The following WFDC8 variants were observed in gnomAD, a reference collection of about 807,000 sequenced individuals.
WFDC8 encodes WAP four-disulfide core domain protein 8.
In WFDC8, 24 loss-of-function variants were observed where a neutral mutation model predicts 27.0. The ratio of observed to expected loss-of-function variants is 0.89; its 90% CI spans 0.64 to 1.25. WFDC8 has a LOEUF of 1.25. Ranked by LOEUF, WFDC8 falls within the 50% of genes most tolerant of loss-of-function variation. WFDC8 has a pLI of 0.00. For missense variants in WFDC8, 287 were observed against 295.9 expected, an observed-to-expected ratio of 0.97 and a Z score of 0.22; for synonymous variants, 106 against 99.7, an observed-to-expected ratio of 1.06 and a Z score of -0.38.
intron 1 of WFDC8, among the ~76,000 whole-genome samples, chr20:45,564,284 A>C (rs1832977256): frequency 6.6e-6 from 1 of 152,182 alleles, no homozygotes; most frequent in Non-Finnish European, 1.5e-5. Flanking sequence ...TATAAATAAC[A>C]CACTAGGTTC....
chr20:45,555,687 G>A lies in WFDC8; in HGVS notation c.445+14C>T. The A allele has an allele frequency of 1.2e-6, 2 of 1,611,882 alleles. No individual in the cohort carries two copies. The highest frequency in any genetic ancestry group is 1.7e-6 in the Non-Finnish European group (2 of 1,179,766). ...TTAAACTAGACCCTCAGATTTCCAG[G>A]ATAGAGGTCTCACCAATTAACATGC... On this transcript the variant is annotated intron_variant, in intron 4 of 5. Coordinates refer to ENST00000289953, the MANE Select transcript of WFDC8 (RefSeq NM_130896.3).
At chr20:45,564,283 C>T (rs1980568301) in intron 1 of WFDC8, among the ~76,000 whole-genome samples, 1 of 152,178 alleles carries the variant, frequency 6.6e-6, no homozygotes, top group Admixed American at 6.5e-5. Flanking sequence ...ATATAAATAA[C>T]ACACTAGGTT....
chr20:45,555,831 A>G lies in WFDC8; in HGVS notation c.315T>C (p.Asn105=). 1 of 1,614,024 alleles carries G rather than the reference A, an allele frequency of 6.2e-7. No individual in the cohort carries two copies. The highest frequency in any genetic ancestry group is 8.5e-7 in the Non-Finnish European group (1 of 1,179,970). Residue 105 remains asparagine, a synonymous_variant, in exon 4 of 6, where the codon AAT becomes AAC. Coordinates refer to ENST00000289953, the MANE Select transcript of WFDC8 (RefSeq NM_130896.3). ...CAAAATGCCAGCGCTGTGCCTCATG[A>G]TTACAGTTTCCATGCCTCACAGGTA... ...CMLPVRHGNC[N]HEAQRWHFDF...
chr20:45,561,030 C>T (rs1400597809), intron 2 of WFDC8, among the ~76,000 whole-genome samples: 4 of 152,312 alleles, frequency 2.6e-5, no homozygotes, highest in East Asian at 1.9e-4. Flanking sequence ...AGACAGAGTT[C>T]GGCAAATCAA....
chr20:45,572,899 G>C (rs1185976926), intron 1 of WFDC8, among the ~76,000 whole-genome samples: 1 of 152,208 alleles, frequency 6.6e-6, no homozygotes, highest in Non-Finnish European at 1.5e-5. Flanking sequence ...GAGCCACCGC[G>C]CCCAGCCTTT....
chr20:45,555,172 G>A (rs1465321755), intron 4 of WFDC8, among the ~76,000 whole-genome samples: 1 of 152,184 alleles, frequency 6.6e-6, no homozygotes, highest in Non-Finnish European at 1.5e-5. Context: ...TTAAATTCAG[G>A]TCATTTGACT....
chr20:45,555,856 A>G lies in WFDC8; in HGVS notation c.290T>C (p.Leu97Pro), dbSNP rs1980227089. 2 of 1,613,416 alleles carry G rather than the reference A, an allele frequency of 1.2e-6. No homozygotes were observed. The highest frequency in any genetic ancestry group is 1.7e-5 in the Admixed American group (1 of 59,976). ...ATTACAGTTTCCATGCCTCACAGGTAGCATGCAGGGTTCTGAGGTCAGGAA... is the reference window on the plus strand; with the variant it reads ...ATTACAGTTTCCATGCCTCACAGGTGGCATGCAGGGTTCTGAGGTCAGGAA... ...CMDPFQEPCM[L>P]PVRHGNCNHE... The change falls in exon 4 of 6, where the codon CTA becomes CCA. Residue 97 changes from leucine to proline, a missense_variant. Transcript: ENST00000289953.
chr20:45,579,084 T>C (rs1345130920), intron 1 of WFDC8, 138 bp downstream of exon 1: 1 of 794,136 alleles, frequency 1.3e-6, no homozygotes, highest in Non-Finnish European at 2.2e-6. Flanking sequence ...AAGACAGCTC[T>C]GTTCTGTGGA....
At chr20:45,573,402 A>T (rs1980936679) in intron 1 of WFDC8, among the ~76,000 whole-genome samples, 1 of 152,142 alleles carries the variant, frequency 6.6e-6, no homozygotes. Flanking sequence ...ACCAGTCCCC[A>T]AGTAGTGTAC....
At chr20:45,558,147 TAGA>T (rs1260155283) in intron 3 of WFDC8, among the ~76,000 whole-genome samples, 1 of 152,188 alleles carries the variant, frequency 6.6e-6, no homozygotes, top group Non-Finnish European at 1.5e-5. Context: ...TAGCCAGTCA[TAGA>T]ATTGCCCCCG....
At chr20:45,569,981 T>C (rs997880312) in intron 1 of WFDC8, among the ~76,000 whole-genome samples, 1 of 152,052 alleles carries the variant, frequency 6.6e-6, no homozygotes, top group Non-Finnish European at 1.5e-5. Context: ...GGGAGCTAAA[T>C]GATGAGAACA....
intron 1 of WFDC8, among the ~76,000 whole-genome samples, chr20:45,564,687 A>C (rs1365955322): frequency 6.6e-6 from 1 of 151,102 alleles, no homozygotes; most frequent in Non-Finnish European, 1.5e-5. Flanking sequence ...AAAAAAAAAA[A>C]AAAACTTAGC....
At chr20:45,572,120 G>A (rs1980888527) in intron 1 of WFDC8, among the ~76,000 whole-genome samples, 1 of 152,106 alleles carries the variant, frequency 6.6e-6, no homozygotes, top group African/African-American at 2.4e-5. Context: ...TCCCTTTTCA[G>A]CCAGGTGCAG....
Position 45,577,559 on chromosome 20 carries a change from C to T in WFDC8, c.26+1663G>A. Among the ~76,000 whole-genome samples, 2 of 149,802 alleles carry T rather than the reference C, an allele frequency of 1.3e-5. 1 individual carries two copies. Among genetic ancestry groups the T allele is most frequent in the Non-Finnish European group, 3.0e-5 (2 of 67,042 alleles). On this transcript the variant is annotated intron_variant, in intron 1 of 5. Transcript: ENST00000289953. The stretch of plus-strand genomic sequence containing the variant: ...GATTACAGGCACCCACCACCACGTC[C>T]TGCTAATTTTTTGTATTTTTAGTAG...
rs749512208 is a variant in WFDC8 at position 45,551,986 on chromosome 20, A to G, written c.*40T>C. 40 of 1,608,052 alleles carry G rather than the reference A, an allele frequency of 2.5e-5. No homozygotes were observed. The South Asian group carries it at 4.3e-4, about 17-fold the overall frequency. On this transcript the variant is annotated 3_prime_UTR_variant, in exon 6 of 6. Transcript: ENST00000289953. ...CTGACAGCTCTTTATCATGCTACTCATAATTAATGATTTTGATGATAATAT... is the reference window on the plus strand; with the variant it reads ...CTGACAGCTCTTTATCATGCTACTCGTAATTAATGATTTTGATGATAATAT...
At chr20:45,552,780 G>A (rs565220023) in intron 5 of WFDC8, among the ~76,000 whole-genome samples, 2 of 152,328 alleles carry the variant, frequency 1.3e-5, no homozygotes, top group African/African-American at 4.8e-5. Flanking sequence ...ATGCTTTGAA[G>A]TTCTGTGCAG....
At chr20:45,577,680 G>A (rs1356658287) in intron 1 of WFDC8, among the ~76,000 whole-genome samples, 3 of 147,972 alleles carry the variant, frequency 2.0e-5, no homozygotes, top group Non-Finnish European at 3.0e-5. Flanking sequence ...TTACAGGCAT[G>A]AGCCACCGCG....
intron 1 of WFDC8, among the ~76,000 whole-genome samples, chr20:45,573,212 T>C (rs1445712190): frequency 6.6e-6 from 1 of 152,268 alleles, no homozygotes; most frequent in Non-Finnish European, 1.5e-5. Flanking sequence ...AATGGAGCTT[T>C]CCCCCTATGT....
At chr20:45,559,140 T>G (rs1340555829) in intron 2 of WFDC8, 148 bp from the exon 3 acceptor site, 4 of 965,234 alleles carry the variant, frequency 4.1e-6, no homozygotes, top group Non-Finnish European at 4.6e-6. Context: ...GGGCTAGTTC[T>G]GTTTCTCAGC....
Sources: gnomAD v4.1 joint callset for allele counts (sites outside exome capture counted in the v4.1 genomes callset) on GRCh38, gnomAD v4.1.1 for gene constraint, MANE v1.5 for transcripts, NCBI Gene and HGNC (gene_info 2026-07-23, HGNC 2026-07-21) for gene names.